Variants in CGAS observed in about 807,000 individuals in gnomAD.
CGAS encodes cyclic GMP-AMP synthase.
Under a neutral mutation model 34.0 loss-of-function variants are expected in CGAS, and 31 were observed. That is an observed-to-expected ratio of 0.91 (90% CI 0.69 to 1.23). The LOEUF (loss-of-function observed/expected upper bound fraction) is 1.23. Ranked by LOEUF, CGAS falls within the 50% of genes most tolerant of loss-of-function variation. The pLI is 0.00. For synonymous variants in CGAS, 266 were observed against 260.0 expected (o/e 1.02, Z -0.22); for missense variants, 597 against 657.6 (o/e 0.91, Z 1.01).
At chr6:73,436,390 A>G (rs1185250869) in intron 3 of CGAS, among the ~76,000 whole-genome samples, 2 of 148,972 alleles carry the variant, frequency 1.3e-5, no homozygotes, top group Non-Finnish European at 3.0e-5. Flanking sequence ...ATATATTTAC[A>G]TAAGTATTTA....
intron 2 of CGAS, among the ~76,000 whole-genome samples, chr6:73,440,810 G>A (rs1770365430): frequency 6.6e-6 from 1 of 151,972 alleles, no homozygotes; most frequent in South Asian, 2.1e-4. Context: ...GCTGAGGCAT[G>A]AGAATCACTT....
Position 73,452,189 on chromosome 6 carries a change from GC to G in CGAS, c.-9del. The G allele has an allele frequency of 6.3e-7, 1 of 1,590,164 alleles. No homozygotes were observed. Among genetic ancestry groups the G allele is most frequent in the Non-Finnish European group, 8.5e-7 (1 of 1,171,012 alleles). On this transcript the variant is annotated 5_prime_UTR_variant, in exon 1 of 5. Transcript: ENST00000370315. ...TCCGTGCCAAGGCTGCATGGCTGGC[GC>G]TTTCTGTTCCCCGAAAGAAGAATCC...
In CGAS at chr6:73,437,139, G is replaced by A. The variant is rs963199317; in HGVS notation, c.1114+3070C>T. Among the ~76,000 whole-genome samples, 35 of 151,986 alleles carry A rather than the reference G, an allele frequency of 2.3e-4. 1 individual carries two copies. Among genetic ancestry groups the A allele is most frequent in the Admixed American group, 1.8e-3 (27 of 15,234 alleles). ...TGCGCTCCAGCCTGGGCAACAGAGCGAGACTCTGTCTCAAAAATAAATAAA... is the reference window on the plus strand; with the variant it reads ...TGCGCTCCAGCCTGGGCAACAGAGCAAGACTCTGTCTCAAAAATAAATAAA... On this transcript the variant is annotated intron_variant, in intron 3 of 4. Coordinates refer to ENST00000370315, the MANE Select transcript of CGAS (RefSeq NM_138441.3).
chr6:73,432,811 C>T (rs943872809), intron 3 of CGAS, among the ~76,000 whole-genome samples: 7 of 152,038 alleles, frequency 4.6e-5, no homozygotes, highest in African/African-American at 7.2e-5. Context: ...TGGCCAGGCG[C>T]GGTGGCTCAC....
intron 2 of CGAS, among the ~76,000 whole-genome samples, chr6:73,442,503 C>T (rs1770394424): frequency 6.6e-6 from 1 of 151,722 alleles, no homozygotes; most frequent in African/African-American, 2.4e-5. Flanking sequence ...TAGGTTCAAG[C>T]AATCCTCTTG....
chr6:73,436,622 A>G (rs1400614909), intron 3 of CGAS, among the ~76,000 whole-genome samples: 2 of 151,900 alleles, frequency 1.3e-5, no homozygotes, highest in East Asian at 3.9e-4. Flanking sequence ...TCCAGGGCTC[A>G]AGTGATCCCC....
intron 1 of CGAS, 46 bp downstream of exon 1, chr6:73,451,479 G>C: frequency 6.6e-7 from 1 of 1,508,820 alleles, no homozygotes; most frequent in Non-Finnish European, 8.9e-7. Context: ...GCGGATTGCG[G>C]AAGGCCGAGC....
chr6:73,435,548 C>T (rs1415654230), intron 3 of CGAS, among the ~76,000 whole-genome samples: 6 of 151,624 alleles, frequency 4.0e-5, no homozygotes, highest in African/African-American at 7.3e-5. Flanking sequence ...GGAGTGAGAT[C>T]GAAAATATCT....
chr6:73,440,062 G>T, intron 3 of CGAS, 147 bp downstream of exon 3: 1 of 664,844 alleles, frequency 1.5e-6, no homozygotes, highest in Non-Finnish European at 2.5e-6. Flanking sequence ...AATTCTGTCT[G>T]TCACCAGACT....
chr6:73,440,057 T>G (rs530056017), intron 3 of CGAS, 152 bp downstream of exon 3: 2 of 643,786 alleles, frequency 3.1e-6, no homozygotes, highest in African/African-American at 1.8e-5. Context: ...TTTTCAATTC[T>G]GTCTGTCACC....
chr6:73,431,861 G>A (rs1280362130), intron 3 of CGAS, among the ~76,000 whole-genome samples: 1 of 152,080 alleles, frequency 6.6e-6, no homozygotes, highest in East Asian at 1.9e-4. Context: ...TTTGAGACAA[G>A]ATCTCCCTCT....
chr6:73,449,838 T>C (rs975006545), intron 1 of CGAS, among the ~76,000 whole-genome samples: 1 of 151,382 alleles, frequency 6.6e-6, no homozygotes, highest in Non-Finnish European at 1.5e-5. Flanking sequence ...CTACTAAAAA[T>C]ACATAAATTA....
intron 2 of CGAS, among the ~76,000 whole-genome samples, chr6:73,442,817 T>C (rs1562293771): frequency 6.6e-6 from 1 of 152,048 alleles, no homozygotes; most frequent in South Asian, 2.1e-4. Context: ...CAGGCTGGTC[T>C]TGAACTCCTG....
intron 3 of CGAS, chr6:73,439,898 T>C (rs1393275714): frequency 3.5e-6 from 1 of 284,698 alleles, no homozygotes; most frequent in African/African-American, 2.2e-5. Flanking sequence ...ACACAACTAG[T>C]AGAAGGAGCC....
At chr6:73,446,964 G>C (rs907281189) in intron 1 of CGAS, among the ~76,000 whole-genome samples, 5 of 152,120 alleles carry the variant, frequency 3.3e-5, no homozygotes, top group Admixed American at 6.6e-5. Flanking sequence ...GCTGAGGCAG[G>C]AGACTTGCTT....
chr6:73,451,959 G>A lies in CGAS; in HGVS notation c.223C>T (p.Arg75Cys), dbSNP rs1478528698. Residue 75 changes from arginine (R) to cysteine (C), a missense_variant, in exon 1 of 5, where the codon CGC (arginine) becomes TGC (cysteine). Coordinates refer to ENST00000370315, the MANE Select transcript of CGAS (RefSeq NM_138441.3). ...TTTTTGGCGCGGGCCCCAGTTGCGCGGACGGGCGGCCTCTCCTGGGTGTCC... is the reference window on the plus strand; with the variant it reads ...TTTTTGGCGCGGGCCCCAGTTGCGCAGACGGGCGGCCTCTCCTGGGTGTCC... ...APDTQERPPV[R>C]ATGARAKKAP... is the part of the protein sequence containing the mutation. The A allele has an allele frequency of 6.7e-7, 1 of 1,487,386 alleles. No individual in the cohort carries two copies. The highest frequency in any genetic ancestry group is 9.0e-7 in the Non-Finnish European group (1 of 1,117,220). 92.1% of individuals were successfully genotyped at this position (1,487,386 alleles called of 1,614,324 possible).
intron 3 of CGAS, among the ~76,000 whole-genome samples, chr6:73,435,127 T>C (rs530617567): frequency 2.0e-5 from 3 of 152,202 alleles, no homozygotes; most frequent in Admixed American, 2.0e-4. Flanking sequence ...AAGACCAGCA[T>C]GGGCAACATA....
intron 3 of CGAS, among the ~76,000 whole-genome samples, chr6:73,429,409 G>C (rs976090568): frequency 2.0e-5 from 3 of 151,702 alleles, no homozygotes; most frequent in African/African-American, 7.3e-5. Context: ...TAAATATTTT[G>C]TTTCAATAAT....
Position 73,452,069 on chromosome 6 carries a change from G to A in CGAS, c.113C>T (p.Pro38Leu), listed in dbSNP as rs758174938. Residue 38 changes from proline (P) to leucine (L), a missense_variant, in exon 1 of 5, where the codon CCG becomes CTG. This residue lies in a region of CGAS where 321 missense variants were observed against 314.3 expected (regional missense o/e 1.02). Transcript: ENST00000370315. ...AGGCAGGGCGGCCTCGGGGGCAGCCGGAGACTCGGTGGGATCCATCGGGGC... is the reference window on the plus strand; with the variant it reads ...AGGCAGGGCGGCCTCGGGGGCAGCCAGAGACTCGGTGGGATCCATCGGGGC... ...RGAPMDPTES[P>L]AAPEAALPKA... 1 of 1,547,802 alleles carries A rather than the reference G, an allele frequency of 6.5e-7. No homozygotes were observed. The highest frequency in any genetic ancestry group is 1.2e-5 in the South Asian group (1 of 83,812).
Sources: gnomAD v4.1 joint callset for allele counts (sites outside exome capture counted in the v4.1 genomes callset) on GRCh38, gnomAD v4.1.1 for gene constraint, gnomAD v4.1.1 regional missense constraint, MANE v1.5 for transcripts, NCBI Gene and HGNC (gene_info 2026-07-23, HGNC 2026-07-21) for gene names.